The following KCNIP1 variants were observed in gnomAD, a reference collection of about 807,000 sequenced individuals.
KCNIP1 encodes A-type potassium channel modulatory protein KCNIP1.
Under a neutral mutation model 33.0 loss-of-function variants are expected in KCNIP1, and 18 were observed. The observed-to-expected ratio is 0.55, with a 90% CI of 0.38 to 0.81. KCNIP1 has a LOEUF of 0.81. KCNIP1 is among the 30% of genes least tolerant of loss of function. The pLI, the probability that KCNIP1 is intolerant of heterozygous loss-of-function variation, is 0.00. For missense variants in KCNIP1, 238 were observed against 271.6 expected (o/e 0.88, Z 0.87); for synonymous variants, 93 against 98.3 (o/e 0.95, Z 0.32).
intron 1 of KCNIP1, among the ~76,000 whole-genome samples, chr5:170,707,308 A>G (rs1763290711): frequency 6.6e-6 from 1 of 152,204 alleles, no homozygotes; most frequent in African/African-American, 2.4e-5. Context: ...GCTTAGCTGG[A>G]CTAAAATGCT....
intron 1 of KCNIP1, chr5:170,561,162 G>A (rs1283430668): frequency 4.4e-6 from 2 of 454,758 alleles, no homozygotes; most frequent in Non-Finnish European, 8.8e-6. Flanking sequence ...CTCCTTCGAG[G>A]GCTGAGATGA....
chr5:170,656,786 C>T (rs1404399681), intron 1 of KCNIP1, among the ~76,000 whole-genome samples: 1 of 152,114 alleles, frequency 6.6e-6, no homozygotes. Flanking sequence ...GAGCATCATC[C>T]CAACAACTGC....
chr5:170,597,784 A>AATATGTATAT (rs1758496436), intron 1 of KCNIP1, among the ~76,000 whole-genome samples: 6 of 134,434 alleles, frequency 4.5e-5, no homozygotes, highest in African/African-American at 1.8e-4. Flanking sequence ...GAGAGAGATA[A>AATATGTATAT]ATATATATAT....
intron 1 of KCNIP1, among the ~76,000 whole-genome samples, chr5:170,424,874 C>T (rs977909993): frequency 6.6e-6 from 1 of 152,212 alleles, no homozygotes; most frequent in Non-Finnish European, 1.5e-5. Context: ...TTTGCTCATT[C>T]GTTCCTACCC....
chr5:170,586,535 A>G (rs1757996532), intron 1 of KCNIP1, among the ~76,000 whole-genome samples: 1 of 152,148 alleles, frequency 6.6e-6, no homozygotes. Flanking sequence ...GGAAACTCAC[A>G]CACCCTGCCG....
intron 1 of KCNIP1, among the ~76,000 whole-genome samples, chr5:170,656,409 A>AACTAGTAGC (rs1009633875): frequency 6.6e-6 from 1 of 152,214 alleles, no homozygotes; most frequent in African/African-American, 2.4e-5. Flanking sequence ...AATGCCCCAG[A>AACTAGTAGC]ACTAGTAGCA....
Position 170,651,443 on chromosome 5 carries a change from CAGGAAT to C in KCNIP1, c.62-67314_62-67309del, listed in dbSNP as rs1761039891. Among the ~76,000 whole-genome samples the C allele has an allele frequency of 2.0e-5, 3 of 152,290 alleles. No homozygotes were observed. In the South Asian group the frequency reaches 6.2e-4, roughly 32 times the overall value. On this transcript the variant is annotated intron_variant, in intron 1 of 7. Coordinates refer to ENST00000328939, the MANE Select transcript of KCNIP1 (RefSeq NM_014592.4). ...TAAGAAGTCTATGGCATTAACCCAG[CAGGAAT>C]GCTTAATGCTTATATCTGACCTCAA...
Position 170,710,853 on chromosome 5 carries a change from A to G in KCNIP1, c.62-7905A>G, listed in dbSNP as rs1244117920. ...CACCTCCCTTGAAGCCTTCTCTGAC[A>G]TCCCTTCTAGTCCCATGCCACCCAG... On this transcript the variant is annotated intron_variant, in intron 1 of 7. Transcript: ENST00000328939. Among the ~76,000 whole-genome samples, 3 of 152,190 alleles carry G rather than the reference A, an allele frequency of 2.0e-5. No homozygotes were observed. In the East Asian group the frequency reaches 5.8e-4, roughly 29 times the overall value.
At chr5:170,420,509 G>T (rs1755454651) in intron 1 of KCNIP1, 1 of 143,658 alleles carries the variant, frequency 7.0e-6, no homozygotes, top group Non-Finnish European at 1.5e-5. Flanking sequence ...CTCCAGCCTG[G>T]GCAACAAGAG....
At chr5:170,712,752 C>G in intron 1 of KCNIP1, 1 of 1,071,306 alleles carries the variant, frequency 9.3e-7, no homozygotes, top group Non-Finnish European at 1.5e-6. Flanking sequence ...TCAAGCTGGA[C>G]GACGTGGACA....
chr5:170,410,134 G>A (rs1185538402), intron 1 of KCNIP1, among the ~76,000 whole-genome samples: 1 of 152,266 alleles, frequency 6.6e-6, no homozygotes, highest in Non-Finnish European at 1.5e-5. Context: ...CGTCTCATCA[G>A]CCTGCCCTGT....
chr5:170,384,664 G>A (rs2071159), intron 1 of KCNIP1, among the ~76,000 whole-genome samples: 36,731 of 152,138 alleles, frequency 0.24, 4,516 homozygotes, highest in South Asian at 0.29. Context: ...CTTATCCTAA[G>A]GACAGGCTGG....
upstream of KCNIP1, among the ~76,000 whole-genome samples, chr5:170,503,204 A>C (rs6555899): frequency 6.6e-6 from 1 of 152,068 alleles, no homozygotes; most frequent in Non-Finnish European, 1.5e-5. Flanking sequence ...AGCCAGCCCA[A>C]CATGGCGAAA....
chr5:170,710,549 G>A (rs1327713102), intron 1 of KCNIP1, among the ~76,000 whole-genome samples: 1 of 152,194 alleles, frequency 6.6e-6, no homozygotes, highest in Non-Finnish European at 1.5e-5. Context: ...AATAAAAAAT[G>A]TGTTACCTAT....
chr5:170,658,291 C>A lies in KCNIP1; in HGVS notation c.62-60467C>A, dbSNP rs78355113. On this transcript the variant is annotated intron_variant, in intron 1 of 7. Coordinates refer to ENST00000328939, the MANE Select transcript of KCNIP1 (RefSeq NM_014592.4). ...GAGCACATCTGGTGAGCCCTTCTTG[C>A]TGGGGGCAGGTACTCCCTGCATAGT... 1.7e-3 allele frequency among the ~76,000 whole-genome samples: 262 copies of A among 152,310 alleles called. 1 individual carries two copies. The highest frequency in any genetic ancestry group is 2.9e-3 in the Non-Finnish European group (194 of 68,024).
chr5:170,554,122 A>T (rs952853615), intron 1 of KCNIP1, among the ~76,000 whole-genome samples: 1 of 151,366 alleles, frequency 6.6e-6, no homozygotes, highest in Non-Finnish European at 1.5e-5. Context: ...GGATGGACAG[A>T]TGCCATGCAA....
intron 1 of KCNIP1, among the ~76,000 whole-genome samples, chr5:170,568,853 A>G (rs1335941256): frequency 6.6e-6 from 1 of 151,982 alleles, no homozygotes; most frequent in African/African-American, 2.4e-5. Context: ...AAGTTAATAT[A>G]TACCTGTATT....
intron 1 of KCNIP1, among the ~76,000 whole-genome samples, chr5:170,563,802 G>A (rs1384118882): frequency 1.3e-5 from 2 of 151,990 alleles, no homozygotes; most frequent in Non-Finnish European, 2.9e-5. Flanking sequence ...CCCCACACCT[G>A]GCTAATTTTG....
chr5:170,553,022 C>T (rs1156679208), intron 1 of KCNIP1, among the ~76,000 whole-genome samples: 2 of 152,216 alleles, frequency 1.3e-5, no homozygotes, highest in African/African-American at 4.8e-5. Flanking sequence ...GGAATTCCTC[C>T]CAAGGCTATG....
Sources: allele counts gnomAD v4.1 joint callset (sites outside exome capture counted in the v4.1 genomes callset), GRCh38; gene constraint gnomAD v4.1.1; transcripts MANE v1.5; gene names NCBI Gene and HGNC (gene_info 2026-07-23, HGNC 2026-07-21).